The following MYH13 variants were observed in gnomAD, a reference collection of about 807,000 sequenced individuals.
MYH13 encodes myosin-13.
A neutral mutation model predicts 232.1 loss-of-function variants in MYH13; 177 were observed. The ratio of observed to expected loss-of-function variants is 0.76; its 90% CI spans 0.67 to 0.86. The LOEUF (loss-of-function observed/expected upper bound fraction) is 0.86. MYH13 is among the 40% of genes least tolerant of loss of function. The pLI, the probability that MYH13 is intolerant of heterozygous loss-of-function variation, is 0.00. For missense variants in MYH13, 2,246 were observed against 2,405.9 expected, an observed-to-expected ratio of 0.93 and a Z score of 1.39; for synonymous variants, 884 against 923.5, an observed-to-expected ratio of 0.96 and a Z score of 0.78.
chr17:10,309,229 C>T lies in MYH13; in HGVS notation c.5169+5G>A, dbSNP rs181509218. On this transcript the variant is annotated splice_donor_5th_base_variant and intron_variant, in intron 35 of 40. Coordinates refer to ENST00000252172, the MANE Select transcript of MYH13 (RefSeq NM_003802.3). ...CCTTCAGCGGAGGAGTGAGGGCCGA[C>T]GCACCTGGGAGTGCAGGAGCTGCAC... 1.9e-5 allele frequency: 31 copies of T among 1,612,126 alleles called. No individual in the cohort carries two copies. The Admixed American group carries it at 3.3e-4, about 17-fold the overall frequency.
chr17:10,326,990 T>G (rs1189467072), intron 22 of MYH13, among the ~76,000 whole-genome samples: 1 of 26,892 alleles, frequency 3.7e-5, no homozygotes. Flanking sequence ...AGTTTTTTTT[T>G]TTTTTTTTTT....
chr17:10,357,512 T>C (rs2071758117), intron 8 of MYH13, among the ~76,000 whole-genome samples: 1 of 152,132 alleles, frequency 6.6e-6, no homozygotes, highest in African/African-American at 2.4e-5. Flanking sequence ...TGAGGTGACA[T>C]TGCCTAGTTA....
At chr17:10,369,693 A>G (rs1210368836) in intron 2 of MYH13, among the ~76,000 whole-genome samples, 2 of 151,804 alleles carry the variant, frequency 1.3e-5, no homozygotes, top group East Asian at 3.9e-4. Context: ...TCAAGTAGAG[A>G]TTTTTTCTCC....
intron 18 of MYH13, among the ~76,000 whole-genome samples, chr17:10,337,499 G>A (rs1331331020): frequency 5.3e-5 from 8 of 152,142 alleles, no homozygotes; most frequent in African/African-American, 2.4e-5. Flanking sequence ...GGGTGGGGAG[G>A]GACTTGAGAT....
At chr17:10,371,121 T>C (rs1384711332) in intron 2 of MYH13, 88 bp downstream of exon 2, 1 of 152,220 alleles carries the variant, frequency 6.6e-6, no homozygotes, top group Non-Finnish European at 1.5e-5. Context: ...TTCGTCTTCT[T>C]ATGAGTGTGG....
In MYH13 at chr17:10,315,278, C is replaced by T. The variant is rs544986615; in HGVS notation, c.3984+415G>A. On this transcript the variant is annotated intron_variant, in intron 29 of 40. Coordinates refer to ENST00000252172, the MANE Select transcript of MYH13 (RefSeq NM_003802.3). ...GGTTCCCACCATGCTGCAAGGCAGA[C>T]AGGAGAAGCAACAGGTTTCTTTCTT... Among the ~76,000 whole-genome samples, 9 of 152,304 alleles carry T rather than the reference C, an allele frequency of 5.9e-5. No individual in the cohort carries two copies. In the South Asian group the frequency reaches 6.2e-4, roughly 11 times the overall value.
Position 10,324,228 on chromosome 17 carries a change from C to G in MYH13, c.2728G>C (p.Glu910Gln). 1 of 1,613,942 alleles carries G rather than the reference C, an allele frequency of 6.2e-7. No individual in the cohort carries two copies. Among genetic ancestry groups the G allele is most frequent in the Non-Finnish European group, 8.5e-7 (1 of 1,179,878 alleles). The change falls in exon 23 of 41, where the codon GAA (glutamate) becomes CAA (glutamine). Residue 910 changes from glutamate to glutamine, a missense_variant. Glu to Gln is a conservative substitution (Grantham distance 29, BLOSUM62 2). Coordinates refer to ENST00000252172, the MANE Select transcript of MYH13 (RefSeq NM_003802.3). Reference protein sequence around the residue: ...ENLMDAEERCEGLIKSKILLE... With the variant: ...ENLMDAEERCQGLIKSKILLE... ...AGGATCTTGCTTTTGATGAGTCCTTCACACCGTTCCTCAGCGTCCATCAGA... is the reference window on the plus strand; with the variant it reads ...AGGATCTTGCTTTTGATGAGTCCTTGACACCGTTCCTCAGCGTCCATCAGA...
At chr17:10,367,982 T>G (rs2071849854) in intron 2 of MYH13, among the ~76,000 whole-genome samples, 1 of 152,184 alleles carries the variant, frequency 6.6e-6, no homozygotes, top group African/African-American at 2.4e-5. Context: ...TCAATAAACA[T>G]TTTGTACTCT....
chr17:10,338,538 G>A (rs536308962), intron 18 of MYH13, among the ~76,000 whole-genome samples: 3 of 151,950 alleles, frequency 2.0e-5, no homozygotes, highest in Admixed American at 1.3e-4. Context: ...GCTCAGCCCT[G>A]TTGTAAATGC....
intron 2 of MYH13, among the ~76,000 whole-genome samples, chr17:10,368,207 T>C (rs2071851823): frequency 6.6e-6 from 1 of 152,224 alleles, no homozygotes; most frequent in African/African-American, 2.4e-5. Context: ...TACTAGGAAG[T>C]TGTCAAGCTA....
intron 12 of MYH13, among the ~76,000 whole-genome samples, chr17:10,348,672 C>A (rs1480309631): frequency 6.6e-6 from 1 of 152,110 alleles, no homozygotes. Flanking sequence ...TCCACTGTTG[C>A]TGAGGAGCCT....
chr17:10,344,224 G>T, intron 15 of MYH13, 115 bp from the exon 16 acceptor site: 1 of 1,439,614 alleles, frequency 6.9e-7, no homozygotes, highest in Non-Finnish European at 9.3e-7. Flanking sequence ...ATGCTGGCAT[G>T]TACGCTCGGT....
At position 10,306,957 on chromosome 17, in the gene MYH13, G is replaced by A; in HGVS notation, c.5277C>T (p.Ala1759=). 6.2e-7 allele frequency: 1 copy of A among 1,613,816 alleles called. No individual in the cohort carries two copies. Among genetic ancestry groups the A allele is most frequent in the Non-Finnish European group, 8.5e-7 (1 of 1,179,938 alleles). ...IQESRNAEEK[A]KKAITDAAMM... ...AGCTCACATCCGTGATGGCCTTCTT[G>A]GCCTTCTCCTCTGCGTTCCTGGACT... Residue 1759 remains alanine, a synonymous_variant, in exon 36 of 41, where the codon GCC becomes GCT. Coordinates refer to ENST00000252172, the MANE Select transcript of MYH13 (RefSeq NM_003802.3). This position sits in a 1 kb window ranked among gnomAD's most constrained non-coding sequence, Gnocchi z 4.3.
At chr17:10,361,969 T>C in intron 5 of MYH13, 149 bp downstream of exon 5, 1 of 1,450,224 alleles carries the variant, frequency 6.9e-7, no homozygotes, top group East Asian at 2.3e-5. Flanking sequence ...CAATGGAAGA[T>C]GTTGTACCCT....
At chr17:10,303,683 A>G (rs1906184160) in intron 37 of MYH13, among the ~76,000 whole-genome samples, 185 bp from the exon 38 acceptor site, 1 of 152,248 alleles carries the variant, frequency 6.6e-6, no homozygotes. Context: ...GTGGGAGTGT[A>G]AATTAGTTCA....
intron 12 of MYH13, among the ~76,000 whole-genome samples, chr17:10,347,454 G>C (rs1385339431): frequency 6.6e-6 from 1 of 152,184 alleles, no homozygotes; most frequent in Non-Finnish European, 1.5e-5. Context: ...CACTTGGACA[G>C]TTGACAATAT....
chr17:10,356,921 G>A (rs2071753522), intron 8 of MYH13, among the ~76,000 whole-genome samples: 1 of 152,046 alleles, frequency 6.6e-6, no homozygotes, highest in Non-Finnish European at 1.5e-5. Flanking sequence ...TTGAAGGATG[G>A]CATATATCCT....
At chr17:10,361,227 G>T (rs1470079652) in intron 5 of MYH13, among the ~76,000 whole-genome samples, 1 of 151,720 alleles carries the variant, frequency 6.6e-6, no homozygotes, top group African/African-American at 2.4e-5. Context: ...AATGACAGAA[G>T]TTTGGACACC....
chr17:10,315,482 G>A (rs1180871641), intron 29 of MYH13, among the ~76,000 whole-genome samples: 1 of 152,116 alleles, frequency 6.6e-6, no homozygotes, highest in East Asian at 1.9e-4. Flanking sequence ...TTTTAGTGGA[G>A]ACGGGGTTTC....
Sources: gnomAD v4.1 joint callset for allele counts (sites outside exome capture counted in the v4.1 genomes callset) on GRCh38, gnomAD v4.1.1 for gene constraint, Gnocchi (gnomAD v3.1) non-coding constraint, MANE v1.5 for transcripts, NCBI Gene and HGNC (gene_info 2026-07-23, HGNC 2026-07-21) for gene names.